SCFD2: variants seen among roughly 807,000 people sequenced by gnomAD.
SCFD2 encodes sec1 family domain containing 2, also known as sec1 family domain-containing protein 2.
In SCFD2, 54 loss-of-function variants were observed where a neutral mutation model predicts 58.9. The ratio of observed to expected loss-of-function variants is 0.92; its 90% CI spans 0.74 to 1.15. SCFD2 has a LOEUF of 1.15. SCFD2 is among the 50% of genes most tolerant of loss of function. The probability of loss-of-function intolerance (pLI) is 0.00; values close to 1 mark genes in which losing one functional copy is unlikely to be tolerated. For synonymous variants in SCFD2, 321 were observed against 335.9 expected (o/e 0.96, Z 0.49); for missense variants, 805 against 836.6 (o/e 0.96, Z 0.47).
chr4:53,044,068 C>T (rs1441338990), intron 5 of SCFD2, among the ~76,000 whole-genome samples: 1 of 152,128 alleles, frequency 6.6e-6, no homozygotes, highest in East Asian at 1.9e-4. Context: ...CATTGGCATC[C>T]TCCTTAGCTT....
intron 6 of SCFD2, among the ~76,000 whole-genome samples, chr4:52,913,959 G>C (rs1719546372): frequency 6.6e-6 from 1 of 152,164 alleles, no homozygotes; most frequent in Admixed American, 6.5e-5. Flanking sequence ...GGAGTTTTGG[G>C]AATACACAGG....
intron 5 of SCFD2, among the ~76,000 whole-genome samples, chr4:53,122,658 T>C (rs1725514444): frequency 6.6e-6 from 1 of 152,210 alleles, no homozygotes; most frequent in Non-Finnish European, 1.5e-5. Flanking sequence ...ATTTGAATTG[T>C]AATTTTTTCA....
intron 5 of SCFD2, among the ~76,000 whole-genome samples, chr4:52,996,562 A>T (rs1560505216): frequency 6.6e-6 from 1 of 152,352 alleles, no homozygotes; most frequent in East Asian, 1.9e-4. Context: ...TCTGAGAAAT[A>T]AAAAGGAAGA....
At chr4:53,071,040 A>G (rs928205451) in intron 5 of SCFD2, among the ~76,000 whole-genome samples, 2 of 152,082 alleles carry the variant, frequency 1.3e-5, no homozygotes, top group African/African-American at 4.8e-5. Context: ...ACTTCTAAAG[A>G]GTGTCCTTAA....
At chr4:53,290,096 G>A (rs966154940) in intron 3 of SCFD2, among the ~76,000 whole-genome samples, 10 of 152,080 alleles carry the variant, frequency 6.6e-5, no homozygotes, top group African/African-American at 2.4e-4. Context: ...AGGAAATACT[G>A]GACTTGAACC....
chr4:52,901,094 G>A (rs1480953227), intron 7 of SCFD2, among the ~76,000 whole-genome samples: 2 of 152,216 alleles, frequency 1.3e-5, no homozygotes, highest in Non-Finnish European at 2.9e-5. Context: ...CACTTCCCAG[G>A]TGAGGCGATG....
At position 53,273,529 on chromosome 4, in the gene SCFD2, G is replaced by C. The variant is rs903744269; in HGVS notation, c.1311+297C>G. ...GGATCAAATAAAGATGCCATGAAGA[G>C]CAAGAAAGGTCCAAATGGCATAAAA... is the stretch of plus-strand genomic sequence containing the variant. On this transcript the variant is annotated intron_variant, in intron 4 of 8. Coordinates refer to ENST00000401642, the MANE Select transcript of SCFD2 (RefSeq NM_152540.4). 3.3e-5 allele frequency: 7 copies of C among 212,942 alleles called. No homozygotes were observed. In the Admixed American group the frequency reaches 3.5e-4, roughly 11 times the overall value. The allele number at this position is 212,942 out of a possible 1,614,324, so 13.2% of individuals were successfully genotyped here. A position where few individuals can be genotyped will look rare whatever the true frequency, so the allele number is the denominator to read the frequency against.
chr4:53,347,647 G>A (rs1375480369), intron 2 of SCFD2, among the ~76,000 whole-genome samples: 2 of 152,156 alleles, frequency 1.3e-5, no homozygotes, highest in East Asian at 3.9e-4. Context: ...TGAGTCAGAG[G>A]AACTTTAAGA....
rs114579674 is a variant in SCFD2, at chr4:53,275,842, G to A, written c.1136-1841C>T. Among the ~76,000 whole-genome samples the A allele has an allele frequency of 7.4e-3, 1,120 of 152,210 alleles. 7 individuals carry two copies. Among genetic ancestry groups the A allele is most frequent in the African/African-American group, 0.026 (1,064 of 41,528 alleles). ...AATGTATCTGAGATTCATCCACGTT[G>A]CTGCTTGTATTAGTAGTTTGCTCTT... On this transcript the variant is annotated intron_variant, in intron 3 of 8. Transcript: ENST00000401642.
intron 5 of SCFD2, among the ~76,000 whole-genome samples, chr4:53,053,461 C>A (rs1170789303): frequency 1.3e-5 from 2 of 152,124 alleles, no homozygotes; most frequent in Non-Finnish European, 2.9e-5. Context: ...CTGGTCAACA[C>A]CCTGCAGTGA....
intron 5 of SCFD2, among the ~76,000 whole-genome samples, chr4:53,124,548 T>C (rs1725571539): frequency 1.3e-5 from 2 of 152,206 alleles, no homozygotes; most frequent in South Asian, 2.1e-4. Flanking sequence ...GAAGATGATA[T>C]ATTATTACAA....
At chr4:53,213,971 C>T (rs1234040281) in intron 4 of SCFD2, among the ~76,000 whole-genome samples, 1 of 152,096 alleles carries the variant, frequency 6.6e-6, no homozygotes, top group Non-Finnish European at 1.5e-5. Flanking sequence ...CCTGTCCCTA[C>T]AAAGGACATG....
intron 4 of SCFD2, among the ~76,000 whole-genome samples, chr4:53,160,289 T>A (rs1195064424): frequency 6.6e-6 from 1 of 152,170 alleles, no homozygotes; most frequent in Non-Finnish European, 1.5e-5. Context: ...TCATTTCGGC[T>A]ATGGTGAAGA....
chr4:53,232,779 T>C (rs1729478031), intron 4 of SCFD2, among the ~76,000 whole-genome samples: 1 of 152,158 alleles, frequency 6.6e-6, no homozygotes, highest in Non-Finnish European at 1.5e-5. Context: ...CATCAACACA[T>C]TCTGGAGAAA....
chr4:52,996,913 A>T (rs1425722342), intron 5 of SCFD2, among the ~76,000 whole-genome samples: 2 of 152,230 alleles, frequency 1.3e-5, no homozygotes. Flanking sequence ...TGGAAGCAAA[A>T]TCAAGTCTTC....
intron 5 of SCFD2, among the ~76,000 whole-genome samples, chr4:52,946,703 G>T (rs997256139): frequency 6.6e-6 from 1 of 152,040 alleles, no homozygotes; most frequent in African/African-American, 2.4e-5. Context: ...AGAGTTAAAA[G>T]AAATAGGCTC....
chr4:53,314,488 C>T (rs1277957307), intron 2 of SCFD2, among the ~76,000 whole-genome samples: 3 of 152,126 alleles, frequency 2.0e-5, no homozygotes, highest in Non-Finnish European at 4.4e-5. Context: ...GTGTTCTTTC[C>T]GGAAGATCTC....
At chr4:53,100,124 A>G (rs1389512115) in intron 5 of SCFD2, among the ~76,000 whole-genome samples, 2 of 152,186 alleles carry the variant, frequency 1.3e-5, no homozygotes, top group Non-Finnish European at 2.9e-5. Flanking sequence ...CATGTTAGTA[A>G]TCTTAGCCTT....
chr4:53,331,440 T>A (rs888541175), intron 2 of SCFD2, among the ~76,000 whole-genome samples: 1 of 152,250 alleles, frequency 6.6e-6, no homozygotes, highest in African/African-American at 2.4e-5. Context: ...GGATTAAGAA[T>A]TTCACTCAAA....
Sources: allele counts gnomAD v4.1 joint callset (sites outside exome capture counted in the v4.1 genomes callset), GRCh38; gene constraint gnomAD v4.1.1; transcripts MANE v1.5; gene names NCBI Gene and HGNC (gene_info 2026-07-23, HGNC 2026-07-21).